The following ARID5B variants were observed in gnomAD, a reference collection of about 807,000 sequenced individuals.
ARID5B encodes the protein AT-rich interactive domain-containing protein 5B.
ARID5B carries 13 observed loss-of-function variants against 97.2 expected under a neutral mutation model. The observed-to-expected ratio is 0.13, with a 90% CI of 0.09 to 0.21. ARID5B has a LOEUF of 0.21. Among genes scored for constraint, ARID5B ranks in the 10% least tolerant of loss-of-function variants. The pLI, the probability that ARID5B is intolerant of heterozygous loss-of-function variation, is 1.00. For missense variants in ARID5B, 1,210 were observed against 1,465.3 expected (o/e 0.83, Z 2.84); for synonymous variants, 556 against 570.3 (o/e 0.97, Z 0.36).
chr10:61,972,525 G>A (rs149718016), intron 3 of ARID5B, among the ~76,000 whole-genome samples: 65 of 152,084 alleles, frequency 4.3e-4, no homozygotes, highest in Admixed American at 3.1e-3. Context: ...CACCACTCCC[G>A]GCCTGTATCA....
At chr10:61,926,029 G>A (rs1021229847) in intron 2 of ARID5B, among the ~76,000 whole-genome samples, 1 of 152,118 alleles carries the variant, frequency 6.6e-6, no homozygotes, top group East Asian at 1.9e-4. Flanking sequence ...TGGGAAATTA[G>A]AACCCAATAC....
intron 3 of ARID5B, among the ~76,000 whole-genome samples, chr10:61,944,608 T>C (rs963977603): frequency 2.6e-5 from 4 of 152,256 alleles, no homozygotes; most frequent in African/African-American, 9.6e-5. Context: ...TATTGGCCTA[T>C]AAATATGTCA....
intron 3 of ARID5B, among the ~76,000 whole-genome samples, chr10:61,992,769 C>T (rs1006162772): frequency 6.6e-6 from 1 of 152,006 alleles, no homozygotes; most frequent in Non-Finnish European, 1.5e-5. Context: ...AGTACATTAT[C>T]TTTTTATTGC....
chr10:62,075,323 T>G (rs1269973888), intron 8 of ARID5B, among the ~76,000 whole-genome samples: 1 of 152,236 alleles, frequency 6.6e-6, no homozygotes, highest in Non-Finnish European at 1.5e-5. Context: ...AAAAAATATT[T>G]TATATAAGCT....
chr10:61,965,536 G>T (rs1003840985), intron 3 of ARID5B, among the ~76,000 whole-genome samples: 7 of 152,076 alleles, frequency 4.6e-5, no homozygotes, highest in African/African-American at 1.7e-4. Context: ...TTAGTATTCG[G>T]TACATTACTA....
intron 2 of ARID5B, among the ~76,000 whole-genome samples, chr10:61,920,329 GT>G (rs11302478): frequency 0.49 from 65,709 of 134,674 alleles, 15,285 homozygotes; most frequent in African/African-American, 0.57. Flanking sequence ...ATGAATCTTT[GT>G]TTTTTTTTTT....
intron 6 of ARID5B, 80 bp downstream of exon 6, chr10:62,057,398 A>G: frequency 7.2e-7 from 1 of 1,389,062 alleles, no homozygotes; most frequent in Non-Finnish European, 1.0e-6. Flanking sequence ...TTGACTCAGG[A>G]TTATGTTGAA....
chr10:61,933,447 G>A (rs571938285), intron 2 of ARID5B, among the ~76,000 whole-genome samples: 15 of 152,090 alleles, frequency 9.9e-5, no homozygotes, highest in East Asian at 1.9e-4. Context: ...AAGGTTTTCC[G>A]TTTACTTTGC....
chr10:62,030,416 C>A (rs1470340319), intron 4 of ARID5B, among the ~76,000 whole-genome samples: 3 of 152,156 alleles, frequency 2.0e-5, no homozygotes, highest in Non-Finnish European at 4.4e-5. Flanking sequence ...CAGGCGTGAG[C>A]CACCACGCCC....
chr10:62,053,382 G>A (rs183969648), intron 5 of ARID5B, among the ~76,000 whole-genome samples: 25 of 152,270 alleles, frequency 1.6e-4, no homozygotes, highest in Non-Finnish European at 2.5e-4. Context: ...TTTGCCGGTC[G>A]CCATCAAAAC....
At chr10:61,902,804 C>T (rs1057190290) in intron 2 of ARID5B, among the ~76,000 whole-genome samples, 7 of 151,122 alleles carry the variant, frequency 4.6e-5, no homozygotes, top group Non-Finnish European at 8.8e-5. Context: ...GTGTCTGGCT[C>T]GGTCGTGTCT....
At chr10:62,090,836 G>T in intron 9 of ARID5B, 26 bp from the exon 10 acceptor site, 1 of 1,534,308 alleles carries the variant, frequency 6.5e-7, no homozygotes, top group South Asian at 1.3e-5. Context: ...GTTTTCTTCT[G>T]ACTGTCTTTT....
At chr10:62,038,488 T>C (rs530309638) in intron 4 of ARID5B, among the ~76,000 whole-genome samples, 2 of 152,300 alleles carry the variant, frequency 1.3e-5, no homozygotes, top group African/African-American at 4.8e-5. Context: ...CTATTTTTGG[T>C]TTAAAGGAGC....
chr10:62,000,339 T>C lies in ARID5B; in HGVS notation c.733+18T>C. On this transcript the variant is annotated intron_variant, in intron 4 of 9. Transcript: ENST00000279873. This position sits in a 1 kb window ranked among gnomAD's most constrained non-coding sequence, Gnocchi z 4.4. Reference sequence around the variant, plus strand: ...TGAGTTTGGTGAGTCTTTTTTTTTTTTTCCTACCTGATTCTTGTGCGTGTG... The same window carrying C: ...TGAGTTTGGTGAGTCTTTTTTTTTTCTTCCTACCTGATTCTTGTGCGTGTG... The C allele has an allele frequency of 6.4e-7, 1 of 1,563,182 alleles. No homozygotes were observed. The highest frequency in any genetic ancestry group is 1.2e-5 in the South Asian group (1 of 86,424).
intron 3 of ARID5B, among the ~76,000 whole-genome samples, chr10:61,999,794 C>T (rs972934046): frequency 6.6e-6 from 1 of 152,102 alleles, no homozygotes; most frequent in Non-Finnish European, 1.5e-5. Context: ...TCTTTCAAAA[C>T]AGTTTTTGGG....
At chr10:62,030,650 G>A (rs1239794942) in intron 4 of ARID5B, among the ~76,000 whole-genome samples, 1 of 152,128 alleles carries the variant, frequency 6.6e-6, no homozygotes, top group Non-Finnish European at 1.5e-5. Flanking sequence ...AACCCGTAGT[G>A]GCCTTCTTCT....
intron 2 of ARID5B, among the ~76,000 whole-genome samples, chr10:61,921,895 G>A (rs1844021681): frequency 6.6e-6 from 1 of 152,022 alleles, no homozygotes; most frequent in African/African-American, 2.4e-5. Flanking sequence ...GGGTCGGAGT[G>A]CAGTAGTGTG....
intron 8 of ARID5B, among the ~76,000 whole-genome samples, chr10:62,075,404 G>T (rs1030974565): frequency 6.6e-6 from 1 of 152,214 alleles, no homozygotes; most frequent in African/African-American, 2.4e-5. Flanking sequence ...AAATATGCTT[G>T]ACACTAGGCT....
At chr10:61,944,403 T>C (rs908018320) in intron 3 of ARID5B, among the ~76,000 whole-genome samples, 2 of 152,178 alleles carry the variant, frequency 1.3e-5, no homozygotes, top group East Asian at 3.8e-4. Flanking sequence ...CAGTTGAAAG[T>C]AGTCAAATGA....
Sources: allele counts gnomAD v4.1 joint callset (sites outside exome capture counted in the v4.1 genomes callset), GRCh38; gene constraint gnomAD v4.1.1; non-coding constraint Gnocchi (gnomAD v3.1); transcripts MANE v1.5; gene names NCBI Gene and HGNC (gene_info 2026-07-23, HGNC 2026-07-21).